The following LAMA3 variants were observed in gnomAD, a reference collection of about 807,000 sequenced individuals.
LAMA3 encodes the protein laminin subunit alpha-3.
In LAMA3, 281 loss-of-function variants were observed where a neutral mutation model predicts 402.0. The observed-to-expected ratio is 0.70, with a 90% confidence interval of 0.63 to 0.77. LAMA3 has a LOEUF of 0.77. LAMA3 is among the 30% of genes least tolerant of loss of function. The pLI is 0.00. For missense variants in LAMA3, 3,840 were observed against 4,215.5 expected (o/e 0.91, Z 2.47); for synonymous variants, 1,431 against 1,558.4 (o/e 0.92, Z 1.93).
intron 11 of LAMA3, among the ~76,000 whole-genome samples, chr18:23,779,947 A>G (rs1317953497): frequency 6.6e-6 from 1 of 152,144 alleles, no homozygotes; most frequent in Admixed American, 6.5e-5. Flanking sequence ...CATGTCAGAT[A>G]CTGGGCCACT....
rs1020792890 is a variant in LAMA3, at chr18:23,894,209, C to A, written c.5411-89C>A. ...TTTGCACCAAACTAATAAAACTTTGCAAAACTAGCTTTTCTGAAAACCAAG... is the reference window on the plus strand; with the variant it reads ...TTTGCACCAAACTAATAAAACTTTGAAAAACTAGCTTTTCTGAAAACCAAG... On this transcript the variant is annotated intron_variant, in intron 42 of 74. Coordinates refer to ENST00000313654, the MANE Select transcript of LAMA3 (RefSeq NM_198129.4). 6.4e-6 allele frequency: 7 copies of A among 1,099,012 alleles called. No homozygotes were observed. The Admixed American group carries it at 8.9e-5, about 14-fold the overall frequency. The allele number at this position is 1,099,012 out of a possible 1,614,324, so 68.1% of individuals were successfully genotyped here.
At chr18:23,929,756 A>G (rs1400585758) in intron 64 of LAMA3, among the ~76,000 whole-genome samples, 3 of 152,196 alleles carry the variant, frequency 2.0e-5, no homozygotes, top group Non-Finnish European at 2.9e-5. Flanking sequence ...CACTTAGACT[A>G]TAGGGGTGGC....
chr18:23,793,360 A>G (rs897772104), intron 12 of LAMA3, among the ~76,000 whole-genome samples: 1 of 152,054 alleles, frequency 6.6e-6, no homozygotes, highest in Non-Finnish European at 1.5e-5. Context: ...AGGGTCAGCA[A>G]GGCCCCAAGA....
chr18:23,942,342 C>A (rs1424973345), intron 68 of LAMA3, among the ~76,000 whole-genome samples: 2 of 152,170 alleles, frequency 1.3e-5, no homozygotes, highest in Non-Finnish European at 2.9e-5. Flanking sequence ...TTCACGCACA[C>A]CTTTATGCAT....
chr18:23,736,542 G>T (rs895520458), intron 2 of LAMA3, among the ~76,000 whole-genome samples: 2 of 151,804 alleles, frequency 1.3e-5, no homozygotes, highest in African/African-American at 4.8e-5. Flanking sequence ...AACTTAAATT[G>T]CATTTTTTCC....
chr18:23,940,495 G>A (rs546327019), intron 68 of LAMA3, among the ~76,000 whole-genome samples: 41 of 152,322 alleles, frequency 2.7e-4, no homozygotes, highest in African/African-American at 9.9e-4. Flanking sequence ...AGCCTAAGCT[G>A]TCCCTCTATG....
At chr18:23,915,851 C>G (rs2081592357) in intron 59 of LAMA3, among the ~76,000 whole-genome samples, 2 of 151,140 alleles carry the variant, frequency 1.3e-5, no homozygotes, top group South Asian at 4.2e-4. Flanking sequence ...ATTAAAAATA[C>G]AAAAATCAGC....
chr18:23,912,675 G>T, intron 55 of LAMA3, 36 bp from the exon 56 acceptor site: 1 of 1,580,414 alleles, frequency 6.3e-7, no homozygotes, highest in African/African-American at 1.3e-5. Flanking sequence ...TTCTTCACAG[G>T]ACAGTGTTTG....
At chr18:23,903,859 G>C in intron 49 of LAMA3, 74 bp from the exon 50 acceptor site, 1 of 1,203,546 alleles carries the variant, frequency 8.3e-7, no homozygotes, top group African/African-American at 1.5e-5. Flanking sequence ...CATCAGTTAT[G>C]ATAGAGTTTG....
At chr18:23,825,479 C>A (rs1348784796) in intron 21 of LAMA3, among the ~76,000 whole-genome samples, 3 of 152,136 alleles carry the variant, frequency 2.0e-5, no homozygotes, top group African/African-American at 4.8e-5. Context: ...CTCTTCCAGT[C>A]CTGCCAGTTG....
intron 1 of LAMA3, among the ~76,000 whole-genome samples, chr18:23,694,484 C>A (rs540181006): frequency 6.6e-6 from 1 of 152,324 alleles, no homozygotes; most frequent in Admixed American, 6.5e-5. Context: ...GCATATTACA[C>A]ATTGAGTTCT....
chr18:23,863,486 C>T (rs2064276596), intron 35 of LAMA3, among the ~76,000 whole-genome samples: 1 of 152,138 alleles, frequency 6.6e-6, no homozygotes, highest in African/African-American at 2.4e-5. Context: ...TTAAGCCCCA[C>T]CTCTTGAAGG....
intron 12 of LAMA3, among the ~76,000 whole-genome samples, chr18:23,795,058 A>G (rs2062736592): frequency 6.6e-6 from 1 of 152,198 alleles, no homozygotes. Flanking sequence ...CCCCACCCCC[A>G]CAACCTCTGT....
In LAMA3 at chr18:23,915,623, T is replaced by C. The variant is rs779863807; in HGVS notation, c.7778+201T>C. Reference sequence around the variant, plus strand: ...ATTATGGTAGTCTCTTCTTAATTTGTATGAAATGCTAGATAGTTTTCTCAC... The same window carrying C: ...ATTATGGTAGTCTCTTCTTAATTTGCATGAAATGCTAGATAGTTTTCTCAC... On this transcript the variant is annotated intron_variant, in intron 59 of 74. Coordinates refer to ENST00000313654, the MANE Select transcript of LAMA3 (RefSeq NM_198129.4). Among the ~76,000 whole-genome samples, 12 of 152,200 alleles carry C rather than the reference T, an allele frequency of 7.9e-5. 1 individual carries two copies. The highest frequency in any genetic ancestry group is 1.8e-4 in the Non-Finnish European group (12 of 68,036).
intron 38 of LAMA3, among the ~76,000 whole-genome samples, chr18:23,875,235 A>T (rs964562726): frequency 2.0e-5 from 3 of 152,244 alleles, no homozygotes; most frequent in African/African-American, 7.2e-5. Flanking sequence ...TTTCCTTTAA[A>T]GACAGAAATC....
intron 12 of LAMA3, among the ~76,000 whole-genome samples, chr18:23,804,300 G>A (rs2062921146): frequency 6.6e-6 from 1 of 152,174 alleles, no homozygotes; most frequent in South Asian, 2.1e-4. Flanking sequence ...CATTAGATCT[G>A]CTCAGTCATA....
intron 2 of LAMA3, among the ~76,000 whole-genome samples, chr18:23,717,763 G>GT (rs1400943003): frequency 7.3e-6 from 1 of 137,930 alleles, no homozygotes; most frequent in African/African-American, 2.9e-5. Context: ...TAGAGACAGG[G>GT]TTTCACCATG....
intron 1 of LAMA3, among the ~76,000 whole-genome samples, chr18:23,702,203 A>G (rs1293664378): frequency 6.6e-6 from 1 of 152,126 alleles, no homozygotes; most frequent in South Asian, 2.1e-4. Flanking sequence ...TGTGTGAAAT[A>G]ACTTCCAGGA....
intron 1 of LAMA3, 102 bp from the exon 2 acceptor site, chr18:23,713,817 CT>C (rs2061040855): frequency 9.8e-7 from 1 of 1,025,172 alleles, no homozygotes; most frequent in Admixed American, 2.1e-5. Context: ...ATAAGATAGT[CT>C]TTGTTTGGTT....
Sources: gnomAD v4.1 joint callset for allele counts (sites outside exome capture counted in the v4.1 genomes callset) on GRCh38, gnomAD v4.1.1 for gene constraint, MANE v1.5 for transcripts, NCBI Gene and HGNC (gene_info 2026-07-23, HGNC 2026-07-21) for gene names.